The following PIK3CA variants were observed in gnomAD, a reference collection of about 807,000 sequenced individuals.
PIK3CA encodes the protein phosphatidylinositol 4,5-bisphosphate 3-kinase catalytic subunit alpha isoform.
A neutral mutation model predicts 138.2 loss-of-function variants in PIK3CA; 27 were observed. The observed-to-expected ratio is 0.20, with a 90% confidence interval of 0.14 to 0.27. PIK3CA has a LOEUF of 0.27. Among genes scored for constraint, PIK3CA ranks in the 10% least tolerant of loss-of-function variants. The pLI, the probability that PIK3CA is intolerant of heterozygous loss-of-function variation, is 1.00. For synonymous variants in PIK3CA, 358 were observed against 413.2 expected (o/e 0.87, Z 1.62); for missense variants, 544 against 1,277.4 (o/e 0.43, Z 8.75).
At chr3:179,159,803 C>T (rs1723231681) in intron 1 of PIK3CA, among the ~76,000 whole-genome samples, 1 of 152,154 alleles carries the variant, frequency 6.6e-6, no homozygotes, top group Non-Finnish European at 1.5e-5. Context: ...GCTTACTAAA[C>T]ACCTATGCTA....
intron 1 of PIK3CA, among the ~76,000 whole-genome samples, chr3:179,153,516 G>A (rs1018527516): frequency 5.9e-5 from 9 of 152,086 alleles, no homozygotes; most frequent in Non-Finnish European, 1.0e-4. Flanking sequence ...TTAAAATACT[G>A]TATTAAATTA....
intron 17 of PIK3CA, among the ~76,000 whole-genome samples, chr3:179,228,296 G>C (rs1458225571): frequency 6.6e-6 from 1 of 151,916 alleles, no homozygotes; most frequent in Non-Finnish European, 1.5e-5. Flanking sequence ...ATAATGAAAA[G>C]TATCAACATT....
At chr3:179,156,831 C>T (rs764260429) in intron 1 of PIK3CA, among the ~76,000 whole-genome samples, 3 of 152,046 alleles carry the variant, frequency 2.0e-5, no homozygotes, top group Non-Finnish European at 4.4e-5. Context: ...GTTCTTTTTC[C>T]TGATGGACTT....
At chr3:179,170,147 A>G (rs1576918362) in intron 1 of PIK3CA, among the ~76,000 whole-genome samples, 1 of 152,234 alleles carries the variant, frequency 6.6e-6, no homozygotes, top group South Asian at 2.1e-4. Context: ...CGTACTAAGT[A>G]ATAGATATAC....
At chr3:179,184,516 A>G (rs1027123490) in intron 1 of PIK3CA, among the ~76,000 whole-genome samples, 1 of 152,202 alleles carries the variant, frequency 6.6e-6, no homozygotes, top group African/African-American at 2.4e-5. Flanking sequence ...CTTCTGACAG[A>G]CAGTACAGAT....
At chr3:179,169,467 T>G (rs1723496890) in intron 1 of PIK3CA, among the ~76,000 whole-genome samples, 1 of 152,186 alleles carries the variant, frequency 6.6e-6, no homozygotes, top group Non-Finnish European at 1.5e-5. Context: ...TTGTGTTACT[T>G]GGGAGCATTT....
In PIK3CA at chr3:179,239,577, G is replaced by T; in HGVS notation, c.*5213G>T. 4.4e-6 allele frequency: 1 copy of T among 227,604 alleles called. No individual in the cohort carries two copies. The allele number at this position is 227,604 out of a possible 1,614,324, so 14.1% of individuals were successfully genotyped here. A position where few individuals can be genotyped will look rare whatever the true frequency, so the allele number is the denominator to read the frequency against. On this transcript the variant is annotated 3_prime_UTR_variant, in exon 21 of 21. Transcript: ENST00000263967. ...GTTTCAAATGAAGTTAATGGTTTCA[G>T]TGTGATTCAGTCCTCAGACCTAATT...
chr3:179,187,117 T>C (rs1196294392), intron 1 of PIK3CA, among the ~76,000 whole-genome samples: 2 of 152,054 alleles, frequency 1.3e-5, no homozygotes, highest in Non-Finnish European at 2.9e-5. Flanking sequence ...GTGAACCAAA[T>C]AGTGTTTTAC....
intron 9 of PIK3CA, among the ~76,000 whole-genome samples, chr3:179,215,405 CTT>C (rs1238384188): frequency 6.6e-6 from 1 of 152,068 alleles, no homozygotes; most frequent in Non-Finnish European, 1.5e-5. Flanking sequence ...CTATTGGAAA[CTT>C]TTGTAAATCT....
intron 1 of PIK3CA, among the ~76,000 whole-genome samples, chr3:179,185,757 C>T (rs1376320916): frequency 3.3e-5 from 5 of 152,142 alleles, no homozygotes; most frequent in Non-Finnish European, 7.4e-5. Flanking sequence ...ATAAAGAATA[C>T]TACAAAGGAT....
intron 20 of PIK3CA, among the ~76,000 whole-genome samples, chr3:179,232,907 G>C (rs1466945392): frequency 6.6e-6 from 1 of 152,030 alleles, no homozygotes; most frequent in Non-Finnish European, 1.5e-5. Context: ...CCCCAGGCTA[G>C]AGCGTAGTGG....
chr3:179,169,576 C>T (rs886420134), intron 1 of PIK3CA, among the ~76,000 whole-genome samples: 2 of 152,064 alleles, frequency 1.3e-5, no homozygotes, highest in South Asian at 2.1e-4. Context: ...AATAATCTGT[C>T]CTAATTAAGG....
intron 20 of PIK3CA, among the ~76,000 whole-genome samples, chr3:179,231,630 CTTTTTTTTTT>C (rs144349648): frequency 2.0e-5 from 1 of 50,384 alleles, no homozygotes; most frequent in Non-Finnish European, 3.5e-5. Flanking sequence ...CCTTAGCCCA[CTTTTTTTTTT>C]TTTTTTTTTT....
chr3:179,202,511 TAAG>T (rs941859513), intron 4 of PIK3CA, among the ~76,000 whole-genome samples: 4 of 152,236 alleles, frequency 2.6e-5, no homozygotes, highest in African/African-American at 9.6e-5. Context: ...TAAATACCTA[TAAG>T]AAGCAACTAC....
intron 17 of PIK3CA, among the ~76,000 whole-genome samples, chr3:179,226,555 G>A (rs1725087643): frequency 6.6e-6 from 1 of 151,964 alleles, no homozygotes; most frequent in Admixed American, 6.6e-5. Flanking sequence ...CTTCTAAAAT[G>A]TTCTTCCTTA....
At chr3:179,151,732 T>C (rs1723019275) in intron 1 of PIK3CA, among the ~76,000 whole-genome samples, 1 of 152,230 alleles carries the variant, frequency 6.6e-6, no homozygotes, top group Admixed American at 6.5e-5. Flanking sequence ...TTTCATACTC[T>C]CCTGTGCAAA....
At chr3:179,212,259 C>T (rs983114875) in intron 9 of PIK3CA, among the ~76,000 whole-genome samples, 2 of 150,860 alleles carry the variant, frequency 1.3e-5, no homozygotes, top group Non-Finnish European at 3.0e-5. Flanking sequence ...CCACCCGCCT[C>T]GGCCTCCCAA....
chr3:179,200,988 G>C (rs1196621874), intron 3 of PIK3CA, among the ~76,000 whole-genome samples: 3 of 152,056 alleles, frequency 2.0e-5, no homozygotes, highest in Non-Finnish European at 4.4e-5. Context: ...CTATTCATAG[G>C]GGCAGTACCC....
chr3:179,185,603 A>G (rs987919524), intron 1 of PIK3CA, among the ~76,000 whole-genome samples: 5 of 152,200 alleles, frequency 3.3e-5, no homozygotes, highest in African/African-American at 1.2e-4. Context: ...TCCATTTCCA[A>G]TGGCAGTCAT....
Sources: allele counts gnomAD v4.1 joint callset (sites outside exome capture counted in the v4.1 genomes callset), GRCh38; gene constraint gnomAD v4.1.1; transcripts MANE v1.5; gene names NCBI Gene and HGNC (gene_info 2026-07-23, HGNC 2026-07-21).